Variants in VSIG10 observed in about 807,000 individuals in gnomAD.
VSIG10 encodes V-set and immunoglobulin domain containing 10.
In VSIG10, 48 loss-of-function variants were observed where a neutral mutation model predicts 58.7. That is an observed-to-expected ratio of 0.82 (90% CI 0.65 to 1.04). The LOEUF (loss-of-function observed/expected upper bound fraction) is 1.04. Among genes scored for constraint, VSIG10 ranks in the 50% least tolerant of loss-of-function variants. The pLI is 0.00. For missense variants in VSIG10, 628 were observed against 670.0 expected (o/e 0.94, Z 0.69); for synonymous variants, 260 against 267.1 (o/e 0.97, Z 0.26).
At chr12:118,069,946 A>G (rs537076087) in intron 7 of VSIG10, among the ~76,000 whole-genome samples, 1 of 152,230 alleles carries the variant, frequency 6.6e-6, no homozygotes, top group African/African-American at 2.4e-5. Context: ...GCCTTTTCCT[A>G]CTACACCACA....
intron 8 of VSIG10, among the ~76,000 whole-genome samples, 183 bp downstream of exon 8, chr12:118,068,194 C>CTTTTTTTTTTTTTTT (rs71069404): frequency 1.0e-5 from 1 of 100,296 alleles, no homozygotes; most frequent in Non-Finnish European, 1.9e-5. Flanking sequence ...GCTAATTTTT[C>CTTTTTTTTTTTTTTT]TTTTTTTTTT....
Position 118,103,518 on chromosome 12 carries a change from T to C in VSIG10, c.79+75A>G, listed in dbSNP as rs564467896. The C allele has an allele frequency of 1.4e-4, 190 of 1,398,472 alleles. No homozygotes were observed. The African/African-American group carries it at 2.0e-3, about 15-fold the overall frequency. The allele number at this position is 1,398,472 out of a possible 1,614,324, so 86.6% of individuals were successfully genotyped here. On this transcript the variant is annotated intron_variant, in intron 1 of 8. Coordinates refer to ENST00000359236, the MANE Select transcript of VSIG10 (RefSeq NM_019086.6). ...CGGATCCGGGCGGAGTCGGAGGGAATTGGGTCTCTCGCTGTCCCCTCCCCA... is the reference window on the plus strand; with the variant it reads ...CGGATCCGGGCGGAGTCGGAGGGAACTGGGTCTCTCGCTGTCCCCTCCCCA...
At chr12:118,099,164 G>A (rs1049658089) in intron 1 of VSIG10, among the ~76,000 whole-genome samples, 7 of 152,030 alleles carry the variant, frequency 4.6e-5, no homozygotes, top group Admixed American at 1.3e-4. Flanking sequence ...TGAGGTGGGC[G>A]GATCACTTGA....
intron 2 of VSIG10, among the ~76,000 whole-genome samples, 158 bp from the exon 3 acceptor site, chr12:118,082,587 A>G (rs1464561501): frequency 6.6e-6 from 1 of 152,178 alleles, no homozygotes; most frequent in African/African-American, 2.4e-5. Flanking sequence ...GCCCTGATAC[A>G]TTATTTCATT....
Position 118,073,697 on chromosome 12 carries a change from A to G in VSIG10, c.1219+2T>C. 1 of 1,600,594 alleles carries G rather than the reference A, an allele frequency of 6.2e-7. No homozygotes were observed. The highest frequency in any genetic ancestry group is 8.5e-7 in the Non-Finnish European group (1 of 1,171,826). On this transcript the variant is annotated splice_donor_variant, in intron 5 of 8. Coordinates refer to ENST00000359236, the MANE Select transcript of VSIG10 (RefSeq NM_019086.6). LOFTEE classifies it high-confidence loss of function. ...TCCTTCAGGCCCAGTTCCACCACTC[A>G]CCTTTCACACTCAGCCAGATTTCCA...
chr12:118,090,236 C>A (rs935206585), intron 2 of VSIG10, among the ~76,000 whole-genome samples: 1 of 151,976 alleles, frequency 6.6e-6, no homozygotes, highest in Non-Finnish European at 1.5e-5. Flanking sequence ...ACACAGGGGG[C>A]GGAGGTGGTT....
chr12:118,069,875 A>G (rs1050924378), intron 7 of VSIG10, among the ~76,000 whole-genome samples: 1 of 152,122 alleles, frequency 6.6e-6, no homozygotes, highest in Non-Finnish European at 1.5e-5. Context: ...GGGATTTTCT[A>G]TGGGTACAGG....
At chr12:118,086,453 G>A (rs868540818) in intron 2 of VSIG10, among the ~76,000 whole-genome samples, 8 of 151,480 alleles carry the variant, frequency 5.3e-5, no homozygotes, top group Admixed American at 4.0e-4. Context: ...GTAAAACTGC[G>A]TCTCAAAAAA....
intron 8 of VSIG10, among the ~76,000 whole-genome samples, chr12:118,068,023 CTTTTTTTTTTT>C (rs371999216): frequency 2.3e-5 from 2 of 85,500 alleles, no homozygotes; most frequent in Non-Finnish European, 4.3e-5. Context: ...GGTTTGTGGG[CTTTTTTTTTTT>C]TTTTTTTTTT....
At position 118,065,763 on chromosome 12, in the gene VSIG10, G is replaced by A. The variant is rs1223578838; in HGVS notation, c.*876C>T. 1 of 152,216 alleles carries A rather than the reference G, an allele frequency of 6.6e-6. No individual in the cohort carries two copies. The highest frequency in any genetic ancestry group is 1.9e-4 in the East Asian group (1 of 5,206). The allele number at this position is 152,216 out of a possible 1,614,324, so 9.4% of individuals were successfully genotyped here. ...TTCAATGAATGGATCTTACAAAGAT[G>A]TTTTTCAATAAATGGAAGGAAAGAT... On this transcript the variant is annotated 3_prime_UTR_variant, in exon 9 of 9. Transcript: ENST00000359236.
intron 1 of VSIG10, chr12:118,102,302 A>C (rs1361368974): frequency 2.0e-5 from 3 of 152,252 alleles, no homozygotes; most frequent in African/African-American, 7.2e-5. Context: ...ACCACCTTTC[A>C]CGTCCAGAGA....
intron 2 of VSIG10, among the ~76,000 whole-genome samples, chr12:118,087,837 C>CAAAAAAAAAAAAAA (rs10654315): frequency 1.6e-5 from 1 of 62,608 alleles, no homozygotes; most frequent in Non-Finnish European, 3.1e-5. Context: ...GATCCTGTCT[C>CAAAAAAAAAAAAAA]AAAAAAAAAA....
chr12:118,071,493 G>T, intron 5 of VSIG10, 24 bp from the exon 6 acceptor site: 1 of 1,596,080 alleles, frequency 6.3e-7, no homozygotes, highest in Non-Finnish European at 8.6e-7. Context: ...TCACACCATT[G>T]ATTCTTCCAT....
At position 118,073,935 on chromosome 12, in the gene VSIG10, G is replaced by A. The variant is rs371765006; in HGVS notation, c.983C>T (p.Thr328Met). 9.1e-5 allele frequency: 146 copies of A among 1,609,598 alleles called. No individual in the cohort carries two copies. The highest frequency in any genetic ancestry group is 3.8e-4 in the South Asian group (34 of 90,482). The change falls in exon 5 of 9, where the codon ACG becomes ATG. Residue 328 changes from threonine to methionine, a missense_variant. Thr to Met is a moderately conservative substitution (Grantham distance 81). Coordinates refer to ENST00000359236, the MANE Select transcript of VSIG10 (RefSeq NM_019086.6). ...MKTCFTGGNVTLTCQVSGAYP... is the reference protein window; with the variant it reads ...MKTCFTGGNVMLTCQVSGAYP... The stretch of plus-strand genomic sequence containing the variant: ...GGCCCCAGACACCTGGCATGTAAGC[G>A]TCACATTGCCCCCAGTGAAGCAAGT...
At position 118,065,247 on chromosome 12, in the gene VSIG10, ATTC is replaced by A. The variant is rs1312865240; in HGVS notation, c.*1389_*1391del. ...CCAGATGAGCTGGTTTGCCCAAGCA[ATTC>A]TTATCACCAGATACTCCGTTATTAA... On this transcript the variant is annotated 3_prime_UTR_variant, in exon 9 of 9. Coordinates refer to ENST00000359236, the MANE Select transcript of VSIG10 (RefSeq NM_019086.6). 3.3e-5 allele frequency: 5 copies of A among 152,230 alleles called. No homozygotes were observed. The highest frequency in any genetic ancestry group is 1.2e-4 in the African/African-American group (5 of 41,472). The allele number at this position is 152,230 out of a possible 1,614,324, so 9.4% of individuals were successfully genotyped here. A position where few individuals can be genotyped will look rare whatever the true frequency, so the allele number is the denominator to read the frequency against.
Position 118,103,660 on chromosome 12 carries a change from G to C in VSIG10, c.12C>G (p.Gly4=), listed in dbSNP as rs1303247732. The C allele has an allele frequency of 6.7e-7, 1 of 1,497,302 alleles. No individual in the cohort carries two copies. Among genetic ancestry groups the C allele is most frequent in the Non-Finnish European group, 8.9e-7 (1 of 1,128,864 alleles). 92.8% of individuals were successfully genotyped at this position (1,497,302 alleles called of 1,614,324 possible). The part of the protein sequence containing the change: MAA[G]GSAPEPRVLV... Reference sequence around the variant, plus strand: ...GGACGCGGGGCTCGGGCGCACTGCCGCCTGCGGCCATCTCGCCCCAGATCC... The same window carrying C: ...GGACGCGGGGCTCGGGCGCACTGCCCCCTGCGGCCATCTCGCCCCAGATCC... Residue 4 remains glycine (G), a synonymous_variant, in exon 1 of 9, where the codon GGC becomes GGG. Transcript: ENST00000359236.
intron 2 of VSIG10, among the ~76,000 whole-genome samples, chr12:118,084,064 G>C (rs1457665969): frequency 6.6e-6 from 1 of 152,036 alleles, no homozygotes; most frequent in Non-Finnish European, 1.5e-5. Flanking sequence ...AGGTTGCAGT[G>C]AGCTGTGATT....
chr12:118,087,809 G>T (rs1207785132), intron 2 of VSIG10, among the ~76,000 whole-genome samples: 1 of 132,274 alleles, frequency 7.6e-6, no homozygotes, highest in African/African-American at 2.7e-5. Context: ...CTGCACTCCA[G>T]CCTGGGTGAC....
rs576125035 is a variant in VSIG10, at chr12:118,098,354, C to T, written c.80-2540G>A. Among the ~76,000 whole-genome samples the T allele has an allele frequency of 4.4e-3, 603 of 135,726 alleles. 4 individuals carry two copies. Among genetic ancestry groups the T allele is most frequent in the African/African-American group, 0.016 (582 of 35,652 alleles). 89.0% of individuals were successfully genotyped at this position (135,726 alleles called of 152,430 possible). A position where few individuals can be genotyped will look rare whatever the true frequency, so the allele number is the denominator to read the frequency against. On this transcript the variant is annotated intron_variant, in intron 1 of 8. Transcript: ENST00000359236. ...CTCTCTCCGCCTCTCCCTCTCTCTC[C>T]GCCTCTCCCTCTCTCTCCGCCTCTC...
Sources: gnomAD v4.1 joint callset for allele counts (sites outside exome capture counted in the v4.1 genomes callset) on GRCh38, gnomAD v4.1.1 for gene constraint, MANE v1.5 for transcripts, NCBI Gene and HGNC (gene_info 2026-07-23, HGNC 2026-07-21) for gene names.